ELOVL6: variants seen among roughly 807,000 people sequenced by gnomAD.
ELOVL6 encodes the protein very long chain fatty acid elongase 6.
A neutral mutation model predicts 31.7 loss-of-function variants in ELOVL6; 8 were observed. That is an observed-to-expected ratio of 0.25 (90% confidence interval 0.15 to 0.45). The LOEUF is 0.45. Among genes scored for constraint, ELOVL6 ranks in the 20% least tolerant of loss-of-function variants. The pLI, the probability that ELOVL6 is intolerant of heterozygous loss-of-function variation, is 1.00. For missense variants in ELOVL6, 126 were observed against 326.4 expected (o/e 0.39, Z 4.73); for synonymous variants, 101 against 117.7 (o/e 0.86, Z 0.92).
chr4:110,075,781 G>A (rs1324416186), intron 2 of ELOVL6, among the ~76,000 whole-genome samples: 1 of 152,102 alleles, frequency 6.6e-6, no homozygotes, highest in Non-Finnish European at 1.5e-5. Context: ...CACCACAGCA[G>A]CACAAAAAGA....
chr4:110,125,418 C>G (rs1003994136), intron 1 of ELOVL6, among the ~76,000 whole-genome samples: 6 of 151,946 alleles, frequency 3.9e-5, no homozygotes, highest in African/African-American at 1.5e-4. Flanking sequence ...CTCAGTGGCT[C>G]TATGAATGAA....
At chr4:110,121,417 T>C (rs1268544029) in intron 1 of ELOVL6, among the ~76,000 whole-genome samples, 2 of 152,214 alleles carry the variant, frequency 1.3e-5, no homozygotes, top group Non-Finnish European at 2.9e-5. Context: ...TTTTTATCAA[T>C]AACTAAAATC....
At chr4:110,154,876 T>C (rs1347869871) in intron 1 of ELOVL6, among the ~76,000 whole-genome samples, 2 of 152,204 alleles carry the variant, frequency 1.3e-5, no homozygotes, top group African/African-American at 4.8e-5. Flanking sequence ...AGGTCAAAAA[T>C]GTGCTAGAGG....
intron 1 of ELOVL6, among the ~76,000 whole-genome samples, chr4:110,145,141 CAG>C (rs773134428): frequency 5.8e-4 from 86 of 148,002 alleles, no homozygotes; most frequent in Non-Finnish European, 6.8e-4. Flanking sequence ...AAGTATAGGG[CAG>C]AGAGAGAGAG....
chr4:110,068,326 T>C (rs928209241), intron 2 of ELOVL6, among the ~76,000 whole-genome samples: 2 of 152,320 alleles, frequency 1.3e-5, no homozygotes, highest in African/African-American at 2.4e-5. Context: ...CATGTTGCAG[T>C]GCGAAGCCTG....
intron 1 of ELOVL6, among the ~76,000 whole-genome samples, chr4:110,174,537 G>C (rs997220232): frequency 1.3e-5 from 2 of 152,058 alleles, no homozygotes; most frequent in Non-Finnish European, 2.9e-5. Flanking sequence ...TTTTAAAAAG[G>C]TCAAATGGTA....
chr4:110,152,356 A>T (rs572234931), intron 1 of ELOVL6, among the ~76,000 whole-genome samples: 1 of 152,292 alleles, frequency 6.6e-6, no homozygotes, highest in East Asian at 1.9e-4. Context: ...TCCTGGCATT[A>T]TATATATAGC....
chr4:110,141,307 C>A (rs1022105797), intron 1 of ELOVL6, among the ~76,000 whole-genome samples: 4 of 152,190 alleles, frequency 2.6e-5, no homozygotes, highest in Non-Finnish European at 5.9e-5. Context: ...AGGTGATCCA[C>A]CTGCCTTGGC....
chr4:110,084,582 A>ATTTTTT (rs1756179383), intron 2 of ELOVL6, among the ~76,000 whole-genome samples: 1 of 54,490 alleles, frequency 1.8e-5, no homozygotes, highest in African/African-American at 1.3e-4. Flanking sequence ...ATATATATAT[A>ATTTTTT]TATATATTTT....
In ELOVL6 at chr4:110,198,566, C is replaced by T. The variant is rs139224182; in HGVS notation, c.-231G>A. ...TCCTCTCTCTGGGGCTCTCCTCCTC[C>T]CGGCGTCCGCATCCACCGTAGGAGG... On this transcript the variant is annotated 5_prime_UTR_variant, in exon 1 of 4. Transcript: ENST00000302274. 2.7e-3 allele frequency: 1,295 copies of T among 477,518 alleles called. 10 individuals carry two copies. Among genetic ancestry groups the T allele is most frequent in the Middle Eastern group, 0.018 (34 of 1,844 alleles). The allele number at this position is 477,518 out of a possible 1,614,324, so 29.6% of individuals were successfully genotyped here. A position where few individuals can be genotyped will look rare whatever the true frequency, so the allele number is the denominator to read the frequency against.
At chr4:110,173,310 C>T (rs1759006837) in intron 1 of ELOVL6, among the ~76,000 whole-genome samples, 1 of 152,096 alleles carries the variant, frequency 6.6e-6, no homozygotes, top group South Asian at 2.1e-4. Context: ...TCTCTGAGTG[C>T]TAGTCCCAGG....
chr4:110,091,195 A>C (rs1756419381), intron 2 of ELOVL6, among the ~76,000 whole-genome samples: 1 of 152,062 alleles, frequency 6.6e-6, no homozygotes, highest in Non-Finnish European at 1.5e-5. Flanking sequence ...AAAATTACAC[A>C]CCTATTCTAG....
At chr4:110,063,445 C>A (rs1755203739) in intron 2 of ELOVL6, among the ~76,000 whole-genome samples, 1 of 151,518 alleles carries the variant, frequency 6.6e-6, no homozygotes, top group South Asian at 2.1e-4. Context: ...CTGGTGGGCT[C>A]AGTCCCCCAG....
chr4:110,055,633 G>A (rs1162372756), intron 3 of ELOVL6, among the ~76,000 whole-genome samples: 1 of 152,088 alleles, frequency 6.6e-6, no homozygotes, highest in Non-Finnish European at 1.5e-5. Context: ...AAGAGACACA[G>A]AGAGGCTACT....
At chr4:110,057,887 C>T (rs1755037269) in intron 3 of ELOVL6, among the ~76,000 whole-genome samples, 1 of 150,972 alleles carries the variant, frequency 6.6e-6, no homozygotes, top group African/African-American at 2.4e-5. Context: ...CACAAAACCC[C>T]AAGAGTAAAG....
chr4:110,143,777 C>T (rs536177384), intron 1 of ELOVL6, among the ~76,000 whole-genome samples: 8 of 152,150 alleles, frequency 5.3e-5, no homozygotes, highest in African/African-American at 1.9e-4. Context: ...AGGGGCAGGC[C>T]GGGCGCAGTG....
chr4:110,081,232 G>C (rs1268039330), intron 2 of ELOVL6, among the ~76,000 whole-genome samples: 4 of 152,124 alleles, frequency 2.6e-5, no homozygotes, highest in Admixed American at 2.6e-4. Flanking sequence ...CACAGAATTG[G>C]AAAAAACCAC....
intron 1 of ELOVL6, among the ~76,000 whole-genome samples, chr4:110,166,439 C>T (rs1758780406): frequency 6.6e-6 from 1 of 152,112 alleles, no homozygotes; most frequent in African/African-American, 2.4e-5. Context: ...CCGTGAAACC[C>T]CATCTCTACT....
intron 2 of ELOVL6, 45 bp downstream of exon 2, chr4:110,105,452 G>A (rs372073819): frequency 1.9e-6 from 3 of 1,543,246 alleles, no homozygotes; most frequent in African/African-American, 1.4e-5. Flanking sequence ...CTTTCAGCAA[G>A]TGATAAAATG....
Sources: allele counts gnomAD v4.1 joint callset (sites outside exome capture counted in the v4.1 genomes callset), GRCh38; gene constraint gnomAD v4.1.1; transcripts MANE v1.5; gene names NCBI Gene and HGNC (gene_info 2026-07-23, HGNC 2026-07-21).